The following MYRIP variants were observed in gnomAD, a reference collection of about 807,000 sequenced individuals.
The protein encoded by MYRIP is rab effector MyRIP.
In MYRIP, 49 loss-of-function variants were observed where a neutral mutation model predicts 98.0. The ratio of observed to expected loss-of-function variants is 0.50; its 90% CI spans 0.40 to 0.63. MYRIP has a LOEUF of 0.63. Among genes scored for constraint, MYRIP ranks in the 30% least tolerant of loss-of-function variants. The probability of loss-of-function intolerance (pLI) is 0.00; values close to 1 mark genes in which losing one functional copy is unlikely to be tolerated. For synonymous variants in MYRIP, 404 were observed against 409.5 expected (o/e 0.99, Z 0.16); for missense variants, 1,004 against 1,058.2 (o/e 0.95, Z 0.71).
intron 3 of MYRIP, among the ~76,000 whole-genome samples, chr3:40,106,931 C>A (rs1344991263): frequency 6.6e-6 from 1 of 151,600 alleles, no homozygotes; most frequent in Non-Finnish European, 1.5e-5. Flanking sequence ...TTGATATGCT[C>A]TTTATCAACA....
chr3:40,040,078 C>T (rs962108387), intron 2 of MYRIP, among the ~76,000 whole-genome samples: 1 of 152,170 alleles, frequency 6.6e-6, no homozygotes, highest in Non-Finnish European at 1.5e-5. Context: ...ATAACTACAT[C>T]TCAAAATTCT....
intron 2 of MYRIP, among the ~76,000 whole-genome samples, chr3:40,009,569 T>C (rs896639124): frequency 2.6e-5 from 4 of 152,114 alleles, no homozygotes; most frequent in Non-Finnish European, 5.9e-5. Flanking sequence ...ATGTGGAGGC[T>C]CAGGACTTCC....
chr3:39,935,448 G>T (rs1190437436), intron 2 of MYRIP, among the ~76,000 whole-genome samples: 1 of 152,096 alleles, frequency 6.6e-6, no homozygotes. Context: ...GAACCCTATA[G>T]CTTCGAGGAG....
At chr3:39,919,469 A>G (rs1024305347) in intron 2 of MYRIP, among the ~76,000 whole-genome samples, 2 of 152,148 alleles carry the variant, frequency 1.3e-5, no homozygotes, top group Non-Finnish European at 2.9e-5. Context: ...GGCTTTTGCC[A>G]TGCAGCCTTG....
chr3:40,219,195 G>A (rs1952245797), intron 11 of MYRIP, among the ~76,000 whole-genome samples: 1 of 152,034 alleles, frequency 6.6e-6, no homozygotes, highest in African/African-American at 2.4e-5. Context: ...GAGTTTAAAG[G>A]TTAAGTAAAA....
chr3:40,257,417 T>G (rs1368579601), intron 16 of MYRIP, among the ~76,000 whole-genome samples: 1 of 152,186 alleles, frequency 6.6e-6, no homozygotes, highest in Non-Finnish European at 1.5e-5. Context: ...GAGATTGCAG[T>G]TTTTTGAATT....
In MYRIP at chr3:39,958,550, A is replaced by G. The variant is rs372621384; in HGVS notation, c.110+57624A>G. Among the ~76,000 whole-genome samples the G allele has an allele frequency of 1.3e-3, 201 of 152,368 alleles. 3 individuals carry two copies. In the South Asian group the frequency reaches 0.04, roughly 30 times the overall value. ...AACTCAAGATGGATTAAAGACTTAA[A>G]TGTTAGACCTAAATCCATAAAAACC... On this transcript the variant is annotated intron_variant, in intron 2 of 16. Coordinates refer to ENST00000302541, the MANE Select transcript of MYRIP (RefSeq NM_015460.4).
intron 2 of MYRIP, among the ~76,000 whole-genome samples, chr3:39,912,860 C>CA (rs1944056528): frequency 6.6e-6 from 1 of 152,080 alleles, no homozygotes; most frequent in Non-Finnish European, 1.5e-5. Flanking sequence ...GCCAATATGG[C>CA]AAAACCCTGT....
At chr3:40,178,456 A>G (rs141835617) in intron 8 of MYRIP, among the ~76,000 whole-genome samples, 2 of 152,286 alleles carry the variant, frequency 1.3e-5, no homozygotes, top group African/African-American at 4.8e-5. Flanking sequence ...TCAGGCACAC[A>G]CCAAGAGAGC....
chr3:40,042,137 C>A (rs3855576), intron 2 of MYRIP, among the ~76,000 whole-genome samples: 69,961 of 140,388 alleles, frequency 0.5, 18,953 homozygotes, highest in East Asian at 0.66. Flanking sequence ...AATTACACAG[C>A]TTTACAGATC....
At chr3:40,074,844 C>G (rs545236489) in intron 3 of MYRIP, among the ~76,000 whole-genome samples, 3 of 152,196 alleles carry the variant, frequency 2.0e-5, no homozygotes, top group African/African-American at 7.2e-5. Context: ...ACGTAGATGT[C>G]AAATAAGCAT....
intron 2 of MYRIP, among the ~76,000 whole-genome samples, chr3:40,034,158 A>G (rs1947325027): frequency 6.6e-6 from 1 of 151,856 alleles, no homozygotes. Flanking sequence ...GGACATAGGC[A>G]TGGGCAAGGA....
At chr3:40,136,511 A>G (rs1005824539) in intron 3 of MYRIP, among the ~76,000 whole-genome samples, 1 of 152,194 alleles carries the variant, frequency 6.6e-6, no homozygotes, top group Non-Finnish European at 1.5e-5. Flanking sequence ...CACGACTTGA[A>G]CTCAGCTCTG....
intron 2 of MYRIP, among the ~76,000 whole-genome samples, chr3:39,948,856 A>G (rs1349916189): frequency 1.3e-5 from 2 of 152,218 alleles, no homozygotes; most frequent in African/African-American, 4.8e-5. Flanking sequence ...GACTACTCTT[A>G]GTGAAGCTGT....
chr3:40,056,459 T>C (rs1947886940), intron 3 of MYRIP, among the ~76,000 whole-genome samples: 1 of 152,192 alleles, frequency 6.6e-6, no homozygotes, highest in South Asian at 2.1e-4. Context: ...CTCAGAGTCT[T>C]TCCCATACCA....
At chr3:40,167,817 G>T (rs1950529045) in intron 7 of MYRIP, among the ~76,000 whole-genome samples, 1 of 152,138 alleles carries the variant, frequency 6.6e-6, no homozygotes, top group Non-Finnish European at 1.5e-5. Flanking sequence ...ACCATTACCG[G>T]TTTAATATAA....
chr3:40,121,153 C>T (rs1213314287), intron 3 of MYRIP, among the ~76,000 whole-genome samples: 2 of 152,122 alleles, frequency 1.3e-5, no homozygotes, highest in Non-Finnish European at 2.9e-5. Flanking sequence ...TGAGGCAGGT[C>T]CCGCTAGGGA....
intron 1 of MYRIP, among the ~76,000 whole-genome samples, chr3:39,889,230 G>GTATGTT (rs1943410032): frequency 6.6e-6 from 1 of 151,652 alleles, no homozygotes; most frequent in Non-Finnish European, 1.5e-5. Context: ...ACATGCACAC[G>GTATGTT]TATGTTTATT....
intron 3 of MYRIP, among the ~76,000 whole-genome samples, chr3:40,053,677 G>C (rs1947833377): frequency 1.3e-5 from 2 of 152,126 alleles, no homozygotes; most frequent in Non-Finnish European, 2.9e-5. Context: ...AAGTTCAGGA[G>C]TCTCCTTACA....
Sources: gnomAD v4.1 joint callset for allele counts (sites outside exome capture counted in the v4.1 genomes callset) on GRCh38, gnomAD v4.1.1 for gene constraint, MANE v1.5 for transcripts, NCBI Gene and HGNC (gene_info 2026-07-23, HGNC 2026-07-21) for gene names.